Variants in ZNF385B observed in about 807,000 individuals in gnomAD.
The protein encoded by ZNF385B is zinc finger protein 533.
In ZNF385B, 23 loss-of-function variants were observed where a neutral mutation model predicts 39.2. That is an observed-to-expected ratio of 0.59 (90% CI 0.42 to 0.83). The LOEUF is 0.83. ZNF385B is among the 40% of genes least tolerant of loss of function. The pLI, the probability that ZNF385B is intolerant of heterozygous loss-of-function variation, is 0.00. For synonymous variants in ZNF385B, 205 were observed against 222.6 expected (o/e 0.92, Z 0.70); for missense variants, 552 against 598.9 (o/e 0.92, Z 0.82).
chr2:179,771,628 A>C (rs1384508991), intron 1 of ZNF385B, among the ~76,000 whole-genome samples: 1 of 152,174 alleles, frequency 6.6e-6, no homozygotes, highest in Non-Finnish European at 1.5e-5. Flanking sequence ...ACTGCACATA[A>C]ATATTTTTGC....
chr2:179,690,305 C>T (rs62175184), intron 3 of ZNF385B, among the ~76,000 whole-genome samples: 11,732 of 152,128 alleles, frequency 0.077, 608 homozygotes, highest in East Asian at 0.21. Flanking sequence ...GCTAGCTTCA[C>T]GGAAAAGTGA....
chr2:179,616,401 T>C (rs1258018254), intron 3 of ZNF385B, among the ~76,000 whole-genome samples: 1 of 149,198 alleles, frequency 6.7e-6, no homozygotes, highest in South Asian at 2.1e-4. Context: ...TGGCACAATC[T>C]TGGCTCACTG....
At position 179,757,739 on chromosome 2, in the gene ZNF385B, G is replaced by A. The variant is rs529726592; in HGVS notation, c.298+11764C>T. Among the ~76,000 whole-genome samples the A allele has an allele frequency of 5.9e-5, 9 of 152,310 alleles. No individual in the cohort carries two copies. In the East Asian group the frequency reaches 7.7e-4, roughly 13 times the overall value. Reference sequence around the variant, plus strand: ...CTGTGCTAGCAATGAGCGAGGCTCCGTGGGCGTGGGACCCTCCAAGCCAGG... The same window carrying A: ...CTGTGCTAGCAATGAGCGAGGCTCCATGGGCGTGGGACCCTCCAAGCCAGG... On this transcript the variant is annotated intron_variant, in intron 3 of 9. Coordinates refer to ENST00000410066, the MANE Select transcript of ZNF385B (RefSeq NM_152520.6).
chr2:179,842,304 CTAAAAA>C (rs1708577352), intron 1 of ZNF385B, among the ~76,000 whole-genome samples: 1 of 152,116 alleles, frequency 6.6e-6, no homozygotes, highest in African/African-American at 2.4e-5. Flanking sequence ...GAAACTGAAA[CTAAAAA>C]TAAAGTTATT....
At chr2:179,762,724 G>A (rs1703475154) in intron 3 of ZNF385B, among the ~76,000 whole-genome samples, 2 of 152,138 alleles carry the variant, frequency 1.3e-5, no homozygotes, top group Non-Finnish European at 2.9e-5. Context: ...GTTGGGCAGT[G>A]TTTCCTCTTC....
intron 3 of ZNF385B, among the ~76,000 whole-genome samples, chr2:179,659,634 T>G (rs934628651): frequency 1.3e-5 from 2 of 152,128 alleles, no homozygotes; most frequent in Non-Finnish European, 2.9e-5. Context: ...ACTGACAATC[T>G]AGGGATTTCC....
At chr2:179,730,162 C>T (rs1040709743) in intron 3 of ZNF385B, among the ~76,000 whole-genome samples, 2 of 152,186 alleles carry the variant, frequency 1.3e-5, no homozygotes, top group South Asian at 2.1e-4. Context: ...TTACACCCTG[C>T]TTAGAGTGAC....
At chr2:179,467,414 C>G (rs1324870067) in intron 6 of ZNF385B, among the ~76,000 whole-genome samples, 1 of 152,146 alleles carries the variant, frequency 6.6e-6, no homozygotes, top group Non-Finnish European at 1.5e-5. Context: ...CCTTTGGAAA[C>G]AGAAAACATT....
At chr2:179,841,683 T>C (rs918258864) in intron 1 of ZNF385B, among the ~76,000 whole-genome samples, 4 of 152,180 alleles carry the variant, frequency 2.6e-5, no homozygotes, top group African/African-American at 4.8e-5. Flanking sequence ...AACATGTTTC[T>C]AGACATTACC....
chr2:179,717,973 T>C (rs1700438085), intron 3 of ZNF385B, among the ~76,000 whole-genome samples: 1 of 152,146 alleles, frequency 6.6e-6, no homozygotes, highest in Non-Finnish European at 1.5e-5. Context: ...TTACATAAAT[T>C]AATATTGTCA....
intron 1 of ZNF385B, among the ~76,000 whole-genome samples, chr2:179,809,822 C>T (rs1267008761): frequency 6.6e-6 from 1 of 151,898 alleles, no homozygotes; most frequent in African/African-American, 2.4e-5. Context: ...TTCAGTATAC[C>T]TTAAGAACTG....
chr2:179,449,409 G>C (rs1275322663), intron 6 of ZNF385B, among the ~76,000 whole-genome samples: 1 of 152,082 alleles, frequency 6.6e-6, no homozygotes, highest in African/African-American at 2.4e-5. Context: ...AAAGTCTCAG[G>C]ATACAAAATC....
chr2:179,553,780 A>C lies in ZNF385B; in HGVS notation c.299-8811T>G, dbSNP rs2060728247. The stretch of plus-strand genomic sequence containing the variant: ...GGTTCTTTTCTGCAACGCATCTTAG[A>C]GTTTTTAATATACTAACAGGCACTG... On this transcript the variant is annotated intron_variant, in intron 3 of 9. Coordinates refer to ENST00000410066, the MANE Select transcript of ZNF385B (RefSeq NM_152520.6). 2.0e-5 allele frequency among the ~76,000 whole-genome samples: 3 copies of C among 149,382 alleles called. 1 individual carries two copies. The highest frequency in any genetic ancestry group is 4.4e-5 in the Non-Finnish European group (3 of 67,578).
intron 3 of ZNF385B, among the ~76,000 whole-genome samples, chr2:179,701,279 T>C (rs1699180799): frequency 6.6e-6 from 1 of 152,186 alleles, no homozygotes; most frequent in Non-Finnish European, 1.5e-5. Flanking sequence ...AGGGTAAGGA[T>C]TCCCCGGAGC....
chr2:179,625,863 T>C (rs1690616869), intron 3 of ZNF385B, among the ~76,000 whole-genome samples: 1 of 152,072 alleles, frequency 6.6e-6, no homozygotes, highest in Non-Finnish European at 1.5e-5. Context: ...AGACACAAGA[T>C]GCATCTTCAC....
At position 179,657,251 on chromosome 2, in the gene ZNF385B, A is replaced by G. The variant is rs535989090; in HGVS notation, c.298+112252T>C. 6.4e-4 allele frequency among the ~76,000 whole-genome samples: 98 copies of G among 152,254 alleles called. 1 individual carries two copies. The South Asian group carries it at 0.02, about 31-fold the overall frequency. ...GAACAAGAAAACTTAGTCATAAGCC[A>G]CCTTAGTGGCCATCACCCTATTATT... On this transcript the variant is annotated intron_variant, in intron 3 of 9. Coordinates refer to ENST00000410066, the MANE Select transcript of ZNF385B (RefSeq NM_152520.6).
chr2:179,563,081 T>C (rs918589570), intron 3 of ZNF385B, among the ~76,000 whole-genome samples: 1 of 152,230 alleles, frequency 6.6e-6, no homozygotes. Flanking sequence ...AGATGTCAAT[T>C]TGATGTTGAT....
At chr2:179,603,461 T>C (rs576638913) in intron 3 of ZNF385B, among the ~76,000 whole-genome samples, 1 of 152,296 alleles carries the variant, frequency 6.6e-6, no homozygotes, top group African/African-American at 2.4e-5. Context: ...CAGAATCTCA[T>C]TTTTCAAAAG....
At chr2:179,825,804 G>C (rs1707647661) in intron 1 of ZNF385B, among the ~76,000 whole-genome samples, 1 of 152,088 alleles carries the variant, frequency 6.6e-6, no homozygotes, top group Non-Finnish European at 1.5e-5. Flanking sequence ...AAATGAGGGA[G>C]TAAAATACCA....
Sources: gnomAD v4.1 joint callset for allele counts (sites outside exome capture counted in the v4.1 genomes callset) on GRCh38, gnomAD v4.1.1 for gene constraint, MANE v1.5 for transcripts, NCBI Gene and HGNC (gene_info 2026-07-23, HGNC 2026-07-21) for gene names.